Variants in IMMP2L observed in about 807,000 individuals in gnomAD.
The protein encoded by IMMP2L is mitochondrial inner membrane protease subunit 2.
IMMP2L carries 18 observed loss-of-function variants against 19.3 expected under a neutral mutation model. The ratio of observed to expected loss-of-function variants is 0.93; its 90% CI spans 0.64 to 1.38. The LOEUF (loss-of-function observed/expected upper bound fraction) is 1.38. IMMP2L is among the 40% of genes most tolerant of loss of function. IMMP2L has a pLI of 0.00. For synonymous variants in IMMP2L, 76 were observed against 73.0 expected, an observed-to-expected ratio of 1.04 and a Z score of -0.21; for missense variants, 233 against 218.2, an observed-to-expected ratio of 1.07 and a Z score of -0.43.
chr7:111,391,170 C>T (rs990029991), intron 3 of IMMP2L, among the ~76,000 whole-genome samples: 1 of 152,046 alleles, frequency 6.6e-6, no homozygotes, highest in African/African-American at 2.4e-5. Context: ...ACTAAAGAAT[C>T]TCTAGGAAGC....
intron 4 of IMMP2L, among the ~76,000 whole-genome samples, chr7:110,907,705 T>C (rs1161489690): frequency 1.3e-5 from 2 of 152,220 alleles, no homozygotes; most frequent in Non-Finnish European, 2.9e-5. Flanking sequence ...TGAGTTCATA[T>C]ATAAAAAATA....
chr7:111,402,729 A>C (rs1833542180), intron 3 of IMMP2L, among the ~76,000 whole-genome samples: 1 of 152,064 alleles, frequency 6.6e-6, no homozygotes, highest in South Asian at 2.1e-4. Context: ...AAACAAAAAA[A>C]GCTTCAATTT....
chr7:111,077,758 G>A (rs951234000), intron 3 of IMMP2L, among the ~76,000 whole-genome samples: 1 of 152,096 alleles, frequency 6.6e-6, no homozygotes, highest in Non-Finnish European at 1.5e-5. Flanking sequence ...CCTTTCCATG[G>A]TTCGCAAGAC....
chr7:111,095,168 T>C (rs1376531212), intron 3 of IMMP2L, among the ~76,000 whole-genome samples: 2 of 152,114 alleles, frequency 1.3e-5, no homozygotes, highest in African/African-American at 2.4e-5. Context: ...CATGCTTTCA[T>C]AGAATAAAAT....
intron 3 of IMMP2L, among the ~76,000 whole-genome samples, chr7:111,100,395 A>T (rs999099449): frequency 6.0e-5 from 9 of 148,782 alleles, no homozygotes; most frequent in African/African-American, 2.2e-4. Flanking sequence ...ATATATATAT[A>T]ATAATATGCT....
At chr7:111,503,530 T>C (rs1420159187) in intron 2 of IMMP2L, among the ~76,000 whole-genome samples, 1 of 152,114 alleles carries the variant, frequency 6.6e-6, no homozygotes, top group African/African-American at 2.4e-5. Context: ...AAGAGAATTT[T>C]AGACCAATAT....
intron 3 of IMMP2L, among the ~76,000 whole-genome samples, chr7:111,262,717 G>T (rs1383499598): frequency 6.6e-6 from 1 of 152,102 alleles, no homozygotes; most frequent in Non-Finnish European, 1.5e-5. Context: ...AAATGGAGAT[G>T]TTTCATAATT....
chr7:111,299,338 G>C (rs1355370480), intron 3 of IMMP2L, among the ~76,000 whole-genome samples: 3 of 152,090 alleles, frequency 2.0e-5, no homozygotes, highest in African/African-American at 7.2e-5. Flanking sequence ...CCAAACAGTG[G>C]TGGTACACAC....
chr7:110,715,376 T>C (rs1374137457), intron 5 of IMMP2L, among the ~76,000 whole-genome samples: 2 of 152,172 alleles, frequency 1.3e-5, no homozygotes, highest in African/African-American at 4.8e-5. Context: ...AATTTGAAAT[T>C]ATTTTTTACT....
chr7:111,278,911 T>C (rs554302731), intron 3 of IMMP2L, among the ~76,000 whole-genome samples: 1 of 152,272 alleles, frequency 6.6e-6, no homozygotes, highest in African/African-American at 2.4e-5. Context: ...GAAATATTCA[T>C]TTTAATGGTT....
intron 5 of IMMP2L, among the ~76,000 whole-genome samples, chr7:110,849,823 GA>G (rs1227208537): frequency 6.6e-6 from 1 of 152,028 alleles, no homozygotes; most frequent in Non-Finnish European, 1.5e-5. Context: ...GTAGTTATCA[GA>G]AAGGTAGAAA....
chr7:111,554,564 T>G (rs190785155), intron 1 of IMMP2L, among the ~76,000 whole-genome samples: 39 of 152,230 alleles, frequency 2.6e-4, no homozygotes, highest in African/African-American at 8.9e-4. Context: ...CTATCTTACC[T>G]TGAACTCTAT....
At position 111,428,129 on chromosome 7, in the gene IMMP2L, A is replaced by T. The variant is rs535516834; in HGVS notation, c.239+59109T>A. ...TTTGAATCTTTATGTTCCTTTTTTT[A>T]GAATTTGCAATATTCTAGGAGAGTG... is the stretch of plus-strand genomic sequence containing the variant. On this transcript the variant is annotated intron_variant, in intron 3 of 5. Transcript: ENST00000405709. Among the ~76,000 whole-genome samples, 13 of 151,878 alleles carry T rather than the reference A, an allele frequency of 8.6e-5. 1 individual carries two copies. The highest frequency in any genetic ancestry group is 3.2e-4 in the African/African-American group (13 of 41,238).
intron 3 of IMMP2L, among the ~76,000 whole-genome samples, chr7:111,177,444 G>C (rs1397371971): frequency 2.6e-5 from 4 of 152,044 alleles, no homozygotes; most frequent in African/African-American, 9.7e-5. Context: ...GGCTCCAAAA[G>C]TGTTATGATT....
At chr7:111,199,957 G>A (rs927785959) in intron 3 of IMMP2L, among the ~76,000 whole-genome samples, 2 of 151,940 alleles carry the variant, frequency 1.3e-5, no homozygotes, top group Admixed American at 6.6e-5. Flanking sequence ...AGTTTTATAG[G>A]CTCTTTGAAG....
intron 3 of IMMP2L, among the ~76,000 whole-genome samples, chr7:110,991,509 C>T (rs1585628432): frequency 6.6e-6 from 1 of 152,140 alleles, no homozygotes; most frequent in Admixed American, 6.6e-5. Context: ...TCCATGGTAA[C>T]ATTAAAAACC....
intron 5 of IMMP2L, among the ~76,000 whole-genome samples, chr7:110,862,097 A>T (rs1240573546): frequency 1.3e-5 from 2 of 152,092 alleles, no homozygotes; most frequent in East Asian, 1.9e-4. Flanking sequence ...AACTGTGTGC[A>T]TGTATGGATA....
At chr7:110,817,439 A>C (rs548722177) in intron 5 of IMMP2L, among the ~76,000 whole-genome samples, 1 of 152,192 alleles carries the variant, frequency 6.6e-6, no homozygotes, top group Admixed American at 6.5e-5. Context: ...AGAACTACAA[A>C]CCACTGCTCA....
Position 111,562,141 on chromosome 7 carries a change from T to A in IMMP2L, c.-293A>T, listed in dbSNP as rs946198134. 6.6e-6 allele frequency: 1 copy of A among 152,586 alleles called. No individual in the cohort carries two copies. Among genetic ancestry groups the A allele is most frequent in the Non-Finnish European group, 1.5e-5 (1 of 68,476 alleles). The allele number at this position is 152,586 out of a possible 1,614,324, so 9.5% of individuals were successfully genotyped here. A position where few individuals can be genotyped will look rare whatever the true frequency, so the allele number is the denominator to read the frequency against. On this transcript the variant is annotated 5_prime_UTR_variant, in exon 1 of 6. Coordinates refer to ENST00000405709, the MANE Select transcript of IMMP2L (RefSeq NM_032549.4). ...GCTCGGCGGGGAGGAGCGGGCCAGC[T>A]CCGGGCCAGGTGTGCCGCCTGTGGC...
Sources: gnomAD v4.1 joint callset for allele counts (sites outside exome capture counted in the v4.1 genomes callset) on GRCh38, gnomAD v4.1.1 for gene constraint, MANE v1.5 for transcripts, NCBI Gene and HGNC (gene_info 2026-07-23, HGNC 2026-07-21) for gene names.